Variants in RIPOR2 observed in about 807,000 individuals in gnomAD.
The protein encoded by RIPOR2 is RHO family interacting cell polarization regulator 2, also known as rho family-interacting cell polarization regulator 2.
In RIPOR2, 39 loss-of-function variants were observed where a neutral mutation model predicts 114.5. The ratio of observed to expected loss-of-function variants is 0.34; its 90% CI spans 0.26 to 0.44. The LOEUF is 0.44. Among genes scored for constraint, RIPOR2 ranks in the 20% least tolerant of loss-of-function variants. The pLI is 1.00. For missense variants in RIPOR2, 1,007 were observed against 1,255.1 expected, an observed-to-expected ratio of 0.80 and a Z score of 2.99; for synonymous variants, 445 against 484.4, an observed-to-expected ratio of 0.92 and a Z score of 1.07.
At chr6:24,879,968 G>T (rs1349577231) in intron 1 of RIPOR2, among the ~76,000 whole-genome samples, 1 of 152,198 alleles carries the variant, frequency 6.6e-6, no homozygotes, top group Non-Finnish European at 1.5e-5. Flanking sequence ...TTAATAGCAG[G>T]TGCTCCATTG....
chr6:24,947,290 G>A (rs1772470069), intron 1 of RIPOR2, among the ~76,000 whole-genome samples: 1 of 152,082 alleles, frequency 6.6e-6, no homozygotes, highest in Non-Finnish European at 1.5e-5. Flanking sequence ...CACCTTAGAT[G>A]CACTCTAACT....
At chr6:24,992,622 A>T (rs1201891812) in intron 1 of RIPOR2, among the ~76,000 whole-genome samples, 3 of 152,214 alleles carry the variant, frequency 2.0e-5, no homozygotes, top group Non-Finnish European at 4.4e-5. Context: ...AATCGATATC[A>T]TTAAAATGGC....
intron 7 of RIPOR2, among the ~76,000 whole-genome samples, chr6:24,864,736 G>A (rs1481426975): frequency 6.6e-6 from 1 of 152,092 alleles, no homozygotes; most frequent in East Asian, 1.9e-4. Context: ...TCTGTTCATG[G>A]TTCTTAATCT....
At chr6:24,929,934 G>C (rs13218285) in intron 1 of RIPOR2, among the ~76,000 whole-genome samples, 4,157 of 152,188 alleles carry the variant, frequency 0.027, 82 homozygotes, top group East Asian at 0.11. Context: ...AAATTAGCTG[G>C]ATATGGTGGT....
chr6:25,000,506 G>A (rs568652375), intron 1 of RIPOR2, among the ~76,000 whole-genome samples: 3 of 152,108 alleles, frequency 2.0e-5, no homozygotes, highest in Non-Finnish European at 4.4e-5. Context: ...CTGGCTTGAG[G>A]GGTTTTATAT....
chr6:24,840,694 C>A lies in RIPOR2; in HGVS notation c.1858-1422G>T, dbSNP rs928982652. The stretch of plus-strand genomic sequence containing the variant: ...GAAAACGTCTTTCGGTCTTTTAAAT[C>A]ACAGTTGTCTCATTCACCCTCAGTG... On this transcript the variant is annotated intron_variant, in intron 13 of 21. Transcript: ENST00000643898. 121 of 1,535,072 alleles carry A rather than the reference C, an allele frequency of 7.9e-5. No homozygotes were observed. Among genetic ancestry groups the A allele is most frequent in the Non-Finnish European group, 1.0e-4 (120 of 1,146,816 alleles).
At chr6:24,993,560 T>G (rs551794885) in intron 1 of RIPOR2, among the ~76,000 whole-genome samples, 1 of 152,266 alleles carries the variant, frequency 6.6e-6, no homozygotes, top group African/African-American at 2.4e-5. Flanking sequence ...GCCTTTTAAG[T>G]GGGGCATTTA....
intron 19 of RIPOR2, 58 bp downstream of exon 19, chr6:24,825,168 G>A: frequency 8.1e-7 from 1 of 1,238,918 alleles, no homozygotes. Flanking sequence ...AATATTAGTA[G>A]TAAATGATAG....
chr6:24,850,811 C>T, intron 9 of RIPOR2, 89 bp from the exon 10 acceptor site: 1 of 1,413,470 alleles, frequency 7.1e-7, no homozygotes, highest in Non-Finnish European at 9.9e-7. Context: ...AGACCTAAAG[C>T]CACTGCTGCC....
intron 13 of RIPOR2, among the ~76,000 whole-genome samples, chr6:24,841,617 AT>A (rs11336541): frequency 0.88 from 112,220 of 127,522 alleles, 49,336 homozygotes; most frequent in Middle Eastern, 0.94. Context: ...CAATCACCAT[AT>A]TTTTTTTTTT....
intron 11 of RIPOR2, among the ~76,000 whole-genome samples, chr6:24,849,194 C>T (rs140813802): frequency 7.9e-5 from 12 of 152,292 alleles, no homozygotes; most frequent in Admixed American, 2.6e-4. Context: ...TGTGAGCCAC[C>T]GCACCTGGAG....
chr6:24,821,706 T>G (rs1759713066), intron 19 of RIPOR2, among the ~76,000 whole-genome samples: 1 of 152,140 alleles, frequency 6.6e-6, no homozygotes, highest in Non-Finnish European at 1.5e-5. Flanking sequence ...TAAGCCTCAA[T>G]CCACAAGTGG....
rs187941739 is a variant in RIPOR2, at chr6:24,883,039, T to G, written c.62-7222A>C. On this transcript the variant is annotated intron_variant, in intron 1 of 21. Coordinates refer to ENST00000643898, the MANE Select transcript of RIPOR2 (RefSeq NM_001286445.3). The surrounding 1 kb of genome is among the most constrained non-coding windows in gnomAD (Gnocchi z 4.1). ...CGTGATCATTTGTGCATGCTTGAGT[T>G]GCAGGACATCAAACATCATGAAATT... 6.6e-6 allele frequency among the ~76,000 whole-genome samples: 1 copy of G among 152,232 alleles called. No individual in the cohort carries two copies. The highest frequency in any genetic ancestry group is 1.9e-4 in the East Asian group (1 of 5,192).
intron 1 of RIPOR2, chr6:24,976,800 A>G: frequency 6.2e-7 from 1 of 1,611,580 alleles, no homozygotes; most frequent in South Asian, 1.1e-5. Flanking sequence ...GCTGGACCCA[A>G]CACAAATGGT....
At chr6:24,921,645 C>T (rs962051485) in intron 1 of RIPOR2, among the ~76,000 whole-genome samples, 2 of 149,930 alleles carry the variant, frequency 1.3e-5, no homozygotes, top group Non-Finnish European at 3.0e-5. Context: ...TCCCATAACA[C>T]TTATCGCCCC....
intron 1 of RIPOR2, among the ~76,000 whole-genome samples, chr6:24,914,259 C>T (rs1769901435): frequency 6.6e-6 from 1 of 152,094 alleles, no homozygotes; most frequent in Non-Finnish European, 1.5e-5. Flanking sequence ...TCACTTCAAC[C>T]CAAGAGGCGG....
intron 1 of RIPOR2, among the ~76,000 whole-genome samples, chr6:24,884,427 AAAT>A (rs1305115390): frequency 6.6e-6 from 1 of 152,206 alleles, no homozygotes; most frequent in Non-Finnish European, 1.5e-5. Flanking sequence ...AATAAAATAA[AAAT>A]AAATAAATTA....
intron 1 of RIPOR2, among the ~76,000 whole-genome samples, chr6:24,960,238 A>T (rs1773241013): frequency 6.6e-6 from 1 of 152,168 alleles, no homozygotes; most frequent in South Asian, 2.1e-4. Flanking sequence ...ATAGAAATGT[A>T]CTTCTCACAG....
intron 1 of RIPOR2, among the ~76,000 whole-genome samples, chr6:24,943,960 G>A (rs751644139): frequency 9.2e-5 from 14 of 152,096 alleles, no homozygotes; most frequent in Non-Finnish European, 1.8e-4. Flanking sequence ...AGAATCACAG[G>A]CAATTAGTCA....
Sources: allele counts gnomAD v4.1 joint callset (sites outside exome capture counted in the v4.1 genomes callset), GRCh38; gene constraint gnomAD v4.1.1; non-coding constraint Gnocchi (gnomAD v3.1); transcripts MANE v1.5; gene names NCBI Gene and HGNC (gene_info 2026-07-23, HGNC 2026-07-21).